SPTB: variants seen among roughly 807,000 people sequenced by gnomAD.
SPTB encodes spectrin beta chain, erythrocytic.
In SPTB, 45 loss-of-function variants were observed where a neutral mutation model predicts 256.2. That is an observed-to-expected ratio of 0.18 (90% CI 0.14 to 0.23). SPTB has a LOEUF of 0.23. SPTB is among the 10% of genes least tolerant of loss of function. The probability of loss-of-function intolerance (pLI) is 1.00; values close to 1 mark genes in which losing one functional copy is unlikely to be tolerated. For synonymous variants in SPTB, 1,231 were observed against 1,243.1 expected (o/e 0.99, Z 0.21); for missense variants, 2,715 against 3,040.4 (o/e 0.89, Z 2.52).
Position 64,822,937 on chromosome 14 carries a change from CA to C in SPTB, c.148+9del. 6.2e-7 allele frequency: 1 copy of C among 1,613,052 alleles called. No individual in the cohort carries two copies. The highest frequency in any genetic ancestry group is 8.5e-7 in the Non-Finnish European group (1 of 1,180,028). ...GAATGCCCTCCAACCCTTGTGGCCCCAAACAGTACCTGCCAAGGCCTTTATC... is the reference window on the plus strand; with the variant it reads ...GAATGCCCTCCAACCCTTGTGGCCCCAACAGTACCTGCCAAGGCCTTTATC... On this transcript the variant is annotated intron_variant, in intron 2 of 35. Transcript: ENST00000644917.
At chr14:64,876,144 TTTTG>T (rs559048078) in intron 1 of SPTB, among the ~76,000 whole-genome samples, 288 of 152,088 alleles carry the variant, frequency 1.9e-3, no homozygotes, top group African/African-American at 6.5e-3. Flanking sequence ...TATATCAATT[TTTTG>T]TTTGTTTGTT....
intron 32 of SPTB, among the ~76,000 whole-genome samples, chr14:64,765,039 T>C (rs1380156540): frequency 2.6e-4 from 29 of 111,670 alleles, no homozygotes; most frequent in African/African-American, 9.6e-4. Flanking sequence ...TGTGTGTGTG[T>C]GTGCGCGCGC....
rs1566745564 is a variant in SPTB at position 64,772,172 on chromosome 14, TG to T, written c.5553+407del. On this transcript the variant is annotated intron_variant, in intron 26 of 35. Coordinates refer to ENST00000644917, the MANE Select transcript of SPTB (RefSeq NM_001355436.2). The surrounding 1 kb of genome is among the most constrained non-coding windows in gnomAD (Gnocchi z 5.4). ...TACCTACATGTTCCTGGGAAACTTATGGGTCTTCTACCTCTCCCTTTTCTCA... is the reference window on the plus strand; with the variant it reads ...TACCTACATGTTCCTGGGAAACTTATGGTCTTCTACCTCTCCCTTTTCTCA... Among the ~76,000 whole-genome samples the T allele has an allele frequency of 1.3e-5, 2 of 152,292 alleles. No homozygotes were observed. Among genetic ancestry groups the T allele is most frequent in the African/African-American group, 4.8e-5 (2 of 41,586 alleles).
At position 64,775,480 on chromosome 14, in the gene SPTB, C is replaced by G. The variant is rs1236087470; in HGVS notation, c.4564-77G>C. On this transcript the variant is annotated intron_variant, in intron 22 of 35. Coordinates refer to ENST00000644917, the MANE Select transcript of SPTB (RefSeq NM_001355436.2). The surrounding 1 kb of genome is among the most constrained non-coding windows in gnomAD (Gnocchi z 5.0). ...GGCTGCTTCAGCAGTGGCAGCACAG[C>G]TCTGACACCCTTGGTCCCTCTCACC... 1.3e-6 allele frequency: 2 copies of G among 1,536,590 alleles called. No homozygotes were observed. The highest frequency in any genetic ancestry group is 3.7e-5 in the Admixed American group (2 of 53,460).
rs1193011167 is a variant in SPTB, at chr14:64,806,047, G to A, written c.149-957C>T. Among the ~76,000 whole-genome samples the A allele has an allele frequency of 1.3e-5, 2 of 152,060 alleles. No homozygotes were observed. The highest frequency in any genetic ancestry group is 3.9e-4 in the East Asian group (2 of 5,174). ...TACTGCCTCTGTACAAATAATGCTG[G>A]TGGTCTGTCCAAGTTAGGCACCAGC... On this transcript the variant is annotated intron_variant, in intron 2 of 35. Coordinates refer to ENST00000644917, the MANE Select transcript of SPTB (RefSeq NM_001355436.2). This position sits in a 1 kb window ranked among gnomAD's most constrained non-coding sequence, Gnocchi z 4.1.
Position 64,823,872 on chromosome 14 carries a change from G to C in SPTB, c.-51-727C>G, listed in dbSNP as rs939899860. 3.3e-5 allele frequency among the ~76,000 whole-genome samples: 5 copies of C among 152,212 alleles called. No individual in the cohort carries two copies. Among genetic ancestry groups the C allele is most frequent in the Admixed American group, 6.5e-5 (1 of 15,286 alleles). On this transcript the variant is annotated intron_variant, in intron 1 of 35. Transcript: ENST00000644917. This position sits in a 1 kb window ranked among gnomAD's most constrained non-coding sequence, Gnocchi z 6.5. ...ACTGAGCAACCCAAAGGAGCCTGCT[G>C]TCCCATCAAGCACGTGGCAGTCGGG...
chr14:64,796,412 T>C lies in SPTB; in HGVS notation c.1341+145A>G. 1.9e-6 allele frequency: 2 copies of C among 1,079,240 alleles called. No homozygotes were observed. The highest frequency in any genetic ancestry group is 1.3e-5 in the South Asian group (1 of 75,254). 66.9% of individuals were successfully genotyped at this position (1,079,240 alleles called of 1,614,324 possible). A position where few individuals can be genotyped will look rare whatever the true frequency, so the allele number is the denominator to read the frequency against. On this transcript the variant is annotated intron_variant, in intron 11 of 35. Transcript: ENST00000644917. The surrounding 1 kb of genome is among the most constrained non-coding windows in gnomAD (Gnocchi z 4.1). ...TGGAGAGCTCCTCCCCAGATGCAAA[T>C]CTTGATCCACTGGATCACGGGGGAG...
rs2083351935 is a variant in SPTB at position 64,824,801 on chromosome 14, C to T, written c.-51-1656G>A. On this transcript the variant is annotated intron_variant, in intron 1 of 35. Coordinates refer to ENST00000644917, the MANE Select transcript of SPTB (RefSeq NM_001355436.2). The surrounding 1 kb of genome is among the most constrained non-coding windows in gnomAD (Gnocchi z 5.7). ...CACCAGCCCAAGTGTGAGATGGCAGCAGGGCTACAGCCTTATTTTTCAGAT... is the reference window on the plus strand; with the variant it reads ...CACCAGCCCAAGTGTGAGATGGCAGTAGGGCTACAGCCTTATTTTTCAGAT... Among the ~76,000 whole-genome samples the T allele has an allele frequency of 6.6e-6, 1 of 152,220 alleles. No individual in the cohort carries two copies. Among genetic ancestry groups the T allele is most frequent in the Admixed American group, 6.5e-5 (1 of 15,286 alleles).
chr14:64,768,336 G>T, intron 29 of SPTB: 1 of 212,612 alleles, frequency 4.7e-6, no homozygotes, highest in Non-Finnish European at 9.6e-6. Context: ...CACCATGCCT[G>T]GCCCAATAGT....
At chr14:64,830,371 TTATTATTA>T in intron 1 of SPTB, among the ~76,000 whole-genome samples, 1 of 97,544 alleles carries the variant, frequency 1.0e-5, no homozygotes, top group East Asian at 2.6e-4. Flanking sequence ...ATTATTATTA[TTATTATTA>T]TTTTATTTTA....
chr14:64,871,666 C>T (rs1384597614), intron 1 of SPTB, among the ~76,000 whole-genome samples: 1 of 152,192 alleles, frequency 6.6e-6, no homozygotes, highest in East Asian at 1.9e-4. Flanking sequence ...AGGCCAAATG[C>T]TTGCACATGA....
At chr14:64,830,302 G>C (rs1225812183) in intron 1 of SPTB, among the ~76,000 whole-genome samples, 4 of 149,552 alleles carry the variant, frequency 2.7e-5, no homozygotes, top group Non-Finnish European at 5.9e-5. Flanking sequence ...ATATTATCCT[G>C]TTCCTACAGA....
chr14:64,774,336 C>CTGG, intron 24 of SPTB, 61 bp downstream of exon 24: 1 of 1,536,842 alleles, frequency 6.5e-7, no homozygotes, highest in African/African-American at 1.4e-5. Flanking sequence ...GGGACGTTGG[C>CTGG]TGGTGGGCCC....
At position 64,825,096 on chromosome 14, in the gene SPTB, G is replaced by A. The variant is rs1165717745; in HGVS notation, c.-51-1951C>T. Among the ~76,000 whole-genome samples the A allele has an allele frequency of 6.6e-6, 1 of 150,976 alleles. No individual in the cohort carries two copies. The highest frequency in any genetic ancestry group is 1.5e-5 in the Non-Finnish European group (1 of 67,708). Reference sequence around the variant, plus strand: ...GACTGGAGCACAGTTTATCCCCCTTGATCGGACAGGTTTCAGGAGGGCAGC... The same window carrying A: ...GACTGGAGCACAGTTTATCCCCCTTAATCGGACAGGTTTCAGGAGGGCAGC... On this transcript the variant is annotated intron_variant, in intron 1 of 35. Coordinates refer to ENST00000644917, the MANE Select transcript of SPTB (RefSeq NM_001355436.2). This position sits in a 1 kb window ranked among gnomAD's most constrained non-coding sequence, Gnocchi z 4.8.
At chr14:64,857,170 T>C (rs999890386) in intron 1 of SPTB, among the ~76,000 whole-genome samples, 7 of 152,180 alleles carry the variant, frequency 4.6e-5, no homozygotes, top group Middle Eastern at 3.4e-3. Context: ...TATTAATCTA[T>C]AGCAAACCCT....
At chr14:64,848,910 T>C (rs1457939722) in intron 1 of SPTB, among the ~76,000 whole-genome samples, 1 of 152,226 alleles carries the variant, frequency 6.6e-6, no homozygotes, top group Non-Finnish European at 1.5e-5. Context: ...TATGTGCATG[T>C]CCTACACTAA....
In SPTB at chr14:64,775,566, G is replaced by A; in HGVS notation, c.4564-163C>T. Among the ~76,000 whole-genome samples, 1 of 152,248 alleles carries A rather than the reference G, an allele frequency of 6.6e-6. No homozygotes were observed. The highest frequency in any genetic ancestry group is 1.9e-4 in the East Asian group (1 of 5,204). On this transcript the variant is annotated intron_variant, in intron 22 of 35. Coordinates refer to ENST00000644917, the MANE Select transcript of SPTB (RefSeq NM_001355436.2). This position sits in a 1 kb window ranked among gnomAD's most constrained non-coding sequence, Gnocchi z 5.0. The stretch of plus-strand genomic sequence containing the variant: ...AACTACCAATGACCTCTTGCGGGCT[G>A]CTAAGCACCTCATGTGCACCATTCT...
rs1463761907 is a variant in SPTB, at chr14:64,847,457, G to A, written c.-51-24312C>T. On this transcript the variant is annotated intron_variant, in intron 1 of 35. Coordinates refer to ENST00000644917, the MANE Select transcript of SPTB (RefSeq NM_001355436.2). This position sits in a 1 kb window ranked among gnomAD's most constrained non-coding sequence, Gnocchi z 5.9. ...GTGGGAATTGGAGGAGGGGGTAGAC[G>A]TGTAGGGAAAAGCCTATTTATCTAT... is the stretch of plus-strand genomic sequence containing the variant. Among the ~76,000 whole-genome samples the A allele has an allele frequency of 2.0e-5, 3 of 152,186 alleles. No homozygotes were observed. The highest frequency in any genetic ancestry group is 6.5e-5 in the Admixed American group (1 of 15,278).
At chr14:64,799,695 G>A in intron 9 of SPTB, 52 bp downstream of exon 9, 1 of 1,603,118 alleles carries the variant, frequency 6.2e-7, no homozygotes, top group South Asian at 1.1e-5. Flanking sequence ...ACCTTTTGGT[G>A]GTCAGTTTCC....
Sources: allele counts gnomAD v4.1 joint callset (sites outside exome capture counted in the v4.1 genomes callset), GRCh38; gene constraint gnomAD v4.1.1; non-coding constraint Gnocchi (gnomAD v3.1); transcripts MANE v1.5; gene names NCBI Gene and HGNC (gene_info 2026-07-23, HGNC 2026-07-21).